The following COL21A1 variants were observed in gnomAD, a reference collection of about 807,000 sequenced individuals.
COL21A1 encodes the protein collagen alpha-1(XXI) chain.
A neutral mutation model predicts 137.9 loss-of-function variants in COL21A1; 149 were observed. The ratio of observed to expected loss-of-function variants is 1.08; its 90% confidence interval spans 0.95 to 1.24. The LOEUF is 1.24. Ranked by LOEUF, COL21A1 falls within the 50% of genes most tolerant of loss-of-function variation. The pLI is 0.00. For synonymous variants in COL21A1, 456 were observed against 391.5 expected (o/e 1.16, Z -1.95); for missense variants, 1,167 against 1,158.4 (o/e 1.01, Z -0.11).
Position 56,077,556 on chromosome 6 carries a change from A to C in COL21A1, c.1830T>G (p.Pro610=). ...TRGEPGIPGF[P]GNRGLMGQKG... is the part of the protein sequence containing the mutation. ...TTTGGCCCATTAATCCTCGGTTTCC[A>C]GGAAATCCTGGGATTCCCTAAAAAC... is the stretch of plus-strand genomic sequence containing the variant. The change falls in exon 18 of 30, where the codon CCT becomes CCG. Residue 610 remains proline (P), a synonymous_variant. Coordinates refer to ENST00000244728, the MANE Select transcript of COL21A1 (RefSeq NM_030820.4). 6.3e-7 allele frequency: 1 copy of C among 1,578,442 alleles called. No individual in the cohort carries two copies. Among genetic ancestry groups the C allele is most frequent in the Non-Finnish European group, 8.6e-7 (1 of 1,161,180 alleles).
At chr6:56,083,440 C>A (rs1767965538) in intron 17 of COL21A1, among the ~76,000 whole-genome samples, 1 of 151,954 alleles carries the variant, frequency 6.6e-6, no homozygotes, top group South Asian at 2.1e-4. Flanking sequence ...CTTTCAATTA[C>A]TCATGATCAG....
At chr6:56,340,240 C>G (rs1484986666) in intron 1 of COL21A1, among the ~76,000 whole-genome samples, 1 of 152,198 alleles carries the variant, frequency 6.6e-6, no homozygotes, top group African/African-American at 2.4e-5. Context: ...GGGTTTCCTC[C>G]ATTCCATTCT....
chr6:56,206,146 A>G (rs1029775677), intron 1 of COL21A1, among the ~76,000 whole-genome samples: 4 of 152,200 alleles, frequency 2.6e-5, no homozygotes, highest in Non-Finnish European at 4.4e-5. Flanking sequence ...TGAACCTTCA[A>G]TGTAAATGGG....
chr6:56,384,130 G>A (rs532359865), intron 1 of COL21A1, among the ~76,000 whole-genome samples: 1 of 152,252 alleles, frequency 6.6e-6, no homozygotes, highest in South Asian at 2.1e-4. Flanking sequence ...GAAATTGGGG[G>A]AAAGACACTT....
At chr6:56,096,190 T>G (rs575466538) in intron 17 of COL21A1, among the ~76,000 whole-genome samples, 1 of 151,908 alleles carries the variant, frequency 6.6e-6, no homozygotes, top group East Asian at 1.9e-4. Context: ...CGACAATGCC[T>G]ACAGCCTCAT....
chr6:56,238,461 A>G (rs1212716892), intron 1 of COL21A1, among the ~76,000 whole-genome samples: 2 of 150,312 alleles, frequency 1.3e-5, no homozygotes, highest in Admixed American at 6.6e-5. Flanking sequence ...AGCCTCCACA[A>G]TTGCTAAATC....
At chr6:56,315,966 G>A (rs1487385527) in intron 1 of COL21A1, among the ~76,000 whole-genome samples, 1 of 152,254 alleles carries the variant, frequency 6.6e-6, no homozygotes, top group Non-Finnish European at 1.5e-5. Flanking sequence ...ACATCACAGT[G>A]AATACCTTAA....
At chr6:56,386,998 C>A (rs1349124863) in intron 1 of COL21A1, among the ~76,000 whole-genome samples, 2 of 152,232 alleles carry the variant, frequency 1.3e-5, no homozygotes, top group Non-Finnish European at 2.9e-5. Context: ...TGCTTCCCAG[C>A]ACAAACATTC....
chr6:56,217,578 A>G (rs757133350), intron 1 of COL21A1, among the ~76,000 whole-genome samples: 1 of 152,278 alleles, frequency 6.6e-6, no homozygotes. Flanking sequence ...CTGAAGCACA[A>G]TAAGGTTAAA....
chr6:56,312,115 G>C (rs1012496398), intron 1 of COL21A1, among the ~76,000 whole-genome samples: 6 of 152,184 alleles, frequency 3.9e-5, no homozygotes, highest in Admixed American at 1.3e-4. Context: ...GCAGTGACTA[G>C]AGTATAAGGA....
chr6:56,363,895 G>T (rs1766034941), intron 1 of COL21A1, among the ~76,000 whole-genome samples: 1 of 152,176 alleles, frequency 6.6e-6, no homozygotes, highest in Non-Finnish European at 1.5e-5. Context: ...ATTGCTAATA[G>T]GTGACAAGTC....
rs920472156 is a variant in COL21A1 at position 56,388,548 on chromosome 6, T to C, written c.-39+5423A>G. Among the ~76,000 whole-genome samples the C allele has an allele frequency of 3.3e-5, 5 of 152,226 alleles. No individual in the cohort carries two copies. In the East Asian group the frequency reaches 9.6e-4, roughly 29 times the overall value. ...GAGTTGGCAAGAGTGACAGTGCTTC[T>C]GGATTTGGGGAACTCCCTGTCCTCT... is the stretch of plus-strand genomic sequence containing the variant. On this transcript the variant is annotated intron_variant, in intron 1 of 28. Coordinates refer to the COL21A1 transcript ENST00000370819.
At chr6:56,116,344 TA>T (rs1475143693) in intron 16 of COL21A1, among the ~76,000 whole-genome samples, 3 of 138,104 alleles carry the variant, frequency 2.2e-5, no homozygotes, top group South Asian at 4.6e-4. Flanking sequence ...GTGGAAGGCT[TA>T]CAGGCCAGGA....
At chr6:56,356,043 T>C (rs749849927) in intron 1 of COL21A1, among the ~76,000 whole-genome samples, 10 of 152,206 alleles carry the variant, frequency 6.6e-5, no homozygotes, top group Non-Finnish European at 1.5e-4. Context: ...CCTGAGATTC[T>C]TTATTTTGCC....
At chr6:56,364,695 C>T (rs1209491917) in intron 1 of COL21A1, among the ~76,000 whole-genome samples, 1 of 150,870 alleles carries the variant, frequency 6.6e-6, no homozygotes, top group Non-Finnish European at 1.5e-5. Context: ...TCAGTAAAGA[C>T]TACAAAGAGC....
intron 1 of COL21A1, chr6:56,276,771 G>A (rs754077342): frequency 1.0e-4 from 121 of 1,188,212 alleles, no homozygotes; most frequent in Non-Finnish European, 1.5e-4. Context: ...TACTTTATTT[G>A]CTAATTCTGG....
chr6:56,181,853 G>A (rs560696655), intron 2 of COL21A1, among the ~76,000 whole-genome samples: 44 of 151,894 alleles, frequency 2.9e-4, no homozygotes, highest in Admixed American at 2.0e-4. Flanking sequence ...CAAAGGAAAG[G>A]GCATCCACAT....
At chr6:56,139,209 G>A (rs563701812) in intron 12 of COL21A1, among the ~76,000 whole-genome samples, 2 of 152,152 alleles carry the variant, frequency 1.3e-5, no homozygotes, top group East Asian at 3.9e-4. Context: ...GCAGAATGGT[G>A]GCCCAATAAC....
At chr6:56,370,032 GA>G (rs1379990628) in intron 1 of COL21A1, among the ~76,000 whole-genome samples, 1 of 152,160 alleles carries the variant, frequency 6.6e-6, no homozygotes, top group Non-Finnish European at 1.5e-5. Flanking sequence ...ACATAAGCTA[GA>G]AAAAGACTTG....
Sources: allele counts gnomAD v4.1 joint callset (sites outside exome capture counted in the v4.1 genomes callset), GRCh38; gene constraint gnomAD v4.1.1; transcripts MANE v1.5; gene names NCBI Gene and HGNC (gene_info 2026-07-23, HGNC 2026-07-21).